Variants in CFAP47 observed in about 807,000 individuals in gnomAD.
The protein encoded by CFAP47 is cilia and flagella associated protein 47.
CFAP47 carries 29 observed loss-of-function variants against 148.1 expected under a neutral mutation model. The observed-to-expected ratio is 0.20, with a 90% confidence interval of 0.15 to 0.27. The LOEUF is 0.27. CFAP47 is among the 10% of genes least tolerant of loss of function. The pLI is 1.00. For missense variants in CFAP47, 1,872 were observed against 1,697.5 expected (o/e 1.10, Z -1.81); for synonymous variants, 664 against 577.3 (o/e 1.15, Z -2.15).
intron 26 of CFAP47, among the ~76,000 whole-genome samples, chrX:36,064,361 T>C (rs1014394756): frequency 2.0e-4 from 22 of 111,695 alleles, no homozygotes; most frequent in Admixed American, 9.6e-4. Flanking sequence ...AAAGATAAGG[T>C]TAGTGTTTGT....
At chrX:35,984,905 T>C (rs1936694199) in intron 15 of CFAP47, among the ~76,000 whole-genome samples, 1 of 111,518 alleles carries the variant, frequency 9.0e-6, no homozygotes, top group African/African-American at 3.3e-5. Flanking sequence ...ATGAGAGGAA[T>C]GTATACTCTG....
intron 62 of CFAP47, among the ~76,000 whole-genome samples, chrX:36,375,665 T>C (rs1416657362): frequency 1.8e-5 from 2 of 112,634 alleles, no homozygotes; most frequent in Non-Finnish European, 3.7e-5. Context: ...CTTCGTGATC[T>C]TTCTAGCCTT....
chrX:36,129,523 C>T (rs1378272280), intron 33 of CFAP47, among the ~76,000 whole-genome samples: 1 of 111,054 alleles, frequency 9.0e-6, no homozygotes, highest in Non-Finnish European at 1.9e-5. Context: ...ATCTTCATAA[C>T]TCAACTACCT....
intron 39 of CFAP47, among the ~76,000 whole-genome samples, chrX:36,165,705 C>T (rs940168699): frequency 7.2e-5 from 8 of 111,783 alleles, no homozygotes; most frequent in African/African-American, 2.6e-4. Flanking sequence ...AATTTATGTT[C>T]TTAGAGTTCT....
chrX:36,211,831 T>A (rs1426580066), intron 45 of CFAP47, among the ~76,000 whole-genome samples: 1 of 111,558 alleles, frequency 9.0e-6, no homozygotes, highest in African/African-American at 3.3e-5. Context: ...AATTGAAATG[T>A]AAGGCTGTGT....
chrX:35,959,448 T>C (rs1452976133), intron 8 of CFAP47, among the ~76,000 whole-genome samples: 11 of 112,134 alleles, frequency 9.8e-5, no homozygotes, highest in Non-Finnish European at 2.1e-4. Context: ...TAAGTAGTCA[T>C]ATACTGTCTG....
At chrX:36,010,583 G>A (rs1476663302) in intron 21 of CFAP47, among the ~76,000 whole-genome samples, 1 of 107,419 alleles carries the variant, frequency 9.3e-6, no homozygotes, top group East Asian at 3.1e-4. Flanking sequence ...TCAGCCTCCC[G>A]AGTAGCTGGG....
chrX:36,181,989 A>G (rs1939755600), intron 40 of CFAP47, among the ~76,000 whole-genome samples: 1 of 112,409 alleles, frequency 8.9e-6, no homozygotes, highest in African/African-American at 3.2e-5. Flanking sequence ...TTTTTCTGAC[A>G]GTTCTAAAGA....
intron 11 of CFAP47, 122 bp from the exon 12 acceptor site, chrX:35,971,464 T>C: frequency 2.3e-6 from 1 of 430,112 alleles, no homozygotes; most frequent in South Asian, 5.6e-5. Flanking sequence ...TGCACCAGTC[T>C]GGTTAAGTGG....
intron 33 of CFAP47, among the ~76,000 whole-genome samples, chrX:36,114,757 G>C (rs960496237): frequency 9.0e-6 from 1 of 111,526 alleles, no homozygotes; most frequent in Non-Finnish European, 1.9e-5. Context: ...CTCCCAGACT[G>C]CTGGTCACTA....
chrX:36,211,530 GA>G, intron 45 of CFAP47: 1 of 306,836 alleles, frequency 3.3e-6, no homozygotes. Context: ...TGCTGCAGAT[GA>G]AAAGCAGCCT....
At chrX:36,274,035 A>G (rs782193714) in intron 49 of CFAP47, among the ~76,000 whole-genome samples, 1 of 112,058 alleles carries the variant, frequency 8.9e-6, no homozygotes, top group South Asian at 3.7e-4. Context: ...TTGCTTCTGT[A>G]GTTCTCTTCA....
At chrX:36,241,366 C>G (rs1230121462) in intron 48 of CFAP47, among the ~76,000 whole-genome samples, 1 of 111,576 alleles carries the variant, frequency 9.0e-6, no homozygotes, top group Non-Finnish European at 1.9e-5. Context: ...AAGCTCTAGC[C>G]CCAGCTGACT....
chrX:35,960,586 AT>A (rs1018556047), intron 8 of CFAP47, among the ~76,000 whole-genome samples: 4 of 110,611 alleles, frequency 3.6e-5, no homozygotes, highest in Non-Finnish European at 7.5e-5. Context: ...TCTTGCAATT[AT>A]TTTAAAAATT....
rs782473935 is a variant in CFAP47 at position 36,381,646 on chromosome X, A to G, written c.9354+2128A>G. 4.2e-4 allele frequency among the ~76,000 whole-genome samples: 47 copies of G among 111,226 alleles called. 1 individual carries two copies. Among genetic ancestry groups the G allele is most frequent in the Non-Finnish European group, 7.9e-4 (42 of 53,080 alleles). ...GTGCTAGTTTTGAGACTTTGAGACT[A>G]AAGTTTACTTATTTAGTCTGTTTTA... On this transcript the variant is annotated intron_variant, in intron 63 of 63. Transcript: ENST00000378653.
chrX:36,067,819 T>C (rs144998160), intron 27 of CFAP47, among the ~76,000 whole-genome samples: 1,774 of 109,358 alleles, frequency 0.016, 42 homozygotes, highest in African/African-American at 0.056. Context: ...CCCGCCACCA[T>C]GGCCGGCTAA....
chrX:35,999,620 GATTA>G (rs1404216485), intron 19 of CFAP47, among the ~76,000 whole-genome samples: 1 of 112,156 alleles, frequency 8.9e-6, no homozygotes, highest in Non-Finnish European at 1.9e-5. Flanking sequence ...AGCACAGCAT[GATTA>G]ATTGTGGTTT....
At chrX:36,166,416 G>C (rs753961346) in intron 39 of CFAP47, among the ~76,000 whole-genome samples, 1 of 110,521 alleles carries the variant, frequency 9.0e-6, no homozygotes, top group South Asian at 3.8e-4. Flanking sequence ...TCTTATTGTA[G>C]CTTCCATCTC....
intron 26 of CFAP47, among the ~76,000 whole-genome samples, chrX:36,054,099 C>A (rs1473003483): frequency 8.9e-6 from 1 of 112,291 alleles, no homozygotes; most frequent in Non-Finnish European, 1.9e-5. Flanking sequence ...GTTGTGAGCA[C>A]CTTCCTGGTT....
Sources: gnomAD v4.1 joint callset for allele counts (sites outside exome capture counted in the v4.1 genomes callset) on GRCh38, gnomAD v4.1.1 for gene constraint, MANE v1.5 for transcripts, NCBI Gene and HGNC (gene_info 2026-07-23, HGNC 2026-07-21) for gene names.